Variants in STOX1 observed in about 807,000 individuals in gnomAD.
STOX1 encodes the protein storkhead box 1, also known as storkhead-box protein 1.
Under a neutral mutation model 74.8 loss-of-function variants are expected in STOX1, and 57 were observed. That is an observed-to-expected ratio of 0.76 (90% confidence interval 0.62 to 0.95). The LOEUF (loss-of-function observed/expected upper bound fraction) is 0.95, where lower values mean the gene tolerates loss of function less well. Ranked by LOEUF, STOX1 falls within the 40% of genes least tolerant of loss-of-function variation. The probability of loss-of-function intolerance (pLI) is 0.00; values close to 1 mark genes in which losing one functional copy is unlikely to be tolerated. For synonymous variants in STOX1, 375 were observed against 401.3 expected (o/e 0.93, Z 0.78); for missense variants, 1,010 against 1,117.0 (o/e 0.90, Z 1.37).
chr10:68,879,879 A>T (rs1475656902), intron 1 of STOX1, among the ~76,000 whole-genome samples: 4 of 152,168 alleles, frequency 2.6e-5, no homozygotes, highest in Non-Finnish European at 5.9e-5. Context: ...CCGCAAAATT[A>T]TCTGGCTAGG....
chr10:68,878,206 GT>G (rs1413964609), intron 1 of STOX1, among the ~76,000 whole-genome samples: 2 of 152,082 alleles, frequency 1.3e-5, no homozygotes, highest in African/African-American at 4.8e-5. Context: ...AGCACATACA[GT>G]TATATCAAAG....
Position 68,892,957 on chromosome 10 carries a change from A to G in STOX1, c.*221A>G. The G allele has an allele frequency of 4.3e-6, 2 of 464,154 alleles. No homozygotes were observed. The allele number at this position is 464,154 out of a possible 1,614,324, so 28.8% of individuals were successfully genotyped here. ...TTTACTGTGAGTTTATTGGGAGTAT[A>G]TAGATTATTTTCGATTAAAAAGTGG... On this transcript the variant is annotated 3_prime_UTR_variant, in exon 4 of 4. Coordinates refer to ENST00000298596, the MANE Select transcript of STOX1 (RefSeq NM_152709.5).
At chr10:68,840,759 G>A (rs933633857) in intron 1 of STOX1, among the ~76,000 whole-genome samples, 20 of 151,718 alleles carry the variant, frequency 1.3e-4, no homozygotes, top group African/African-American at 4.8e-4. Context: ...ATAGGGTTTT[G>A]CCATGTTGCC....
chr10:68,861,256 G>A (rs1198657637), intron 1 of STOX1, among the ~76,000 whole-genome samples: 1 of 152,120 alleles, frequency 6.6e-6, no homozygotes, highest in Non-Finnish European at 1.5e-5. Flanking sequence ...GTAAGCCCAT[G>A]ATAAACATCG....
chr10:68,844,389 C>A lies in STOX1; in HGVS notation c.310+16456C>A, dbSNP rs945226514. Reference sequence around the variant, plus strand: ...TCTTGGCTCACTGCAACCTCTGTCTCCTGGGTTCAAGTGATCCTCCTGGCT... The same window carrying A: ...TCTTGGCTCACTGCAACCTCTGTCTACTGGGTTCAAGTGATCCTCCTGGCT... On this transcript the variant is annotated intron_variant, in intron 1 of 3. Transcript: ENST00000298596. Among the ~76,000 whole-genome samples, 2 of 145,688 alleles carry A rather than the reference C, an allele frequency of 1.4e-5. 1 individual carries two copies. Among genetic ancestry groups the A allele is most frequent in the Admixed American group, 1.4e-4 (2 of 13,906 alleles).
intron 1 of STOX1, among the ~76,000 whole-genome samples, chr10:68,857,682 G>A (rs990940620): frequency 1.3e-5 from 2 of 152,112 alleles, no homozygotes; most frequent in African/African-American, 4.8e-5. Context: ...GGTCACATTA[G>A]AAGCAGGATG....
In STOX1 at chr10:68,884,629, G is replaced by T; in HGVS notation, c.833G>T (p.Trp278Leu). The change falls in exon 3 of 4, where the codon TGG becomes TTG. Residue 278 changes from tryptophan (W) to leucine (L), a missense_variant. Transcript: ENST00000298596. ...SHRGLGESVSWVQNGAVSVSA... is the reference protein window; with the variant it reads ...SHRGLGESVSLVQNGAVSVSA... ...AGAGGTCTTGGGGAATCCGTATCTT[G>T]GGTACAGAATGGGGCAGTTTCAGTG... 6.2e-7 allele frequency: 1 copy of T among 1,614,030 alleles called. No individual in the cohort carries two copies. The highest frequency in any genetic ancestry group is 8.5e-7 in the Non-Finnish European group (1 of 1,180,042).
rs75827490 is a variant in STOX1, at chr10:68,886,637, G to A, written c.2822+19G>A. The A allele has an allele frequency of 0.069, 110,763 of 1,611,698 alleles. 4,218 individuals are homozygous for A. Among genetic ancestry groups the A allele is most frequent in the Middle Eastern group, 0.11 (657 of 6,056 alleles). On this transcript the variant is annotated intron_variant, in intron 3 of 3. Coordinates refer to ENST00000298596, the MANE Select transcript of STOX1 (RefSeq NM_152709.5). ...CTCCACGGTAGGTCCATACAAAAGT[G>A]TCTGATTTAGGCCGGGCGCAGTGGC...
intron 1 of STOX1, among the ~76,000 whole-genome samples, chr10:68,851,145 A>C (rs957838862): frequency 6.6e-6 from 1 of 151,358 alleles, no homozygotes; most frequent in Non-Finnish European, 1.5e-5. Flanking sequence ...CTATCTCCAC[A>C]AACAATAAAT....
downstream of STOX1, among the ~76,000 whole-genome samples, chr10:68,894,266 G>A (rs1434286313): frequency 6.6e-6 from 1 of 151,804 alleles, no homozygotes; most frequent in Non-Finnish European, 1.5e-5. Flanking sequence ...TCACTATGTT[G>A]GCCAGGCTAG....
intron 1 of STOX1, among the ~76,000 whole-genome samples, chr10:68,854,118 C>G (rs112770975): frequency 5.9e-5 from 9 of 152,128 alleles, no homozygotes; most frequent in African/African-American, 2.2e-4. Context: ...GTCTCATCCT[C>G]CCAAGTAGCT....
intron 1 of STOX1, among the ~76,000 whole-genome samples, chr10:68,856,749 C>G (rs943022656): frequency 3.3e-5 from 5 of 152,122 alleles, no homozygotes; most frequent in African/African-American, 1.2e-4. Context: ...AACCCTCTCC[C>G]TCTCACTGCA....
At chr10:68,877,342 G>A (rs1336010789) in intron 1 of STOX1, among the ~76,000 whole-genome samples, 1 of 152,134 alleles carries the variant, frequency 6.6e-6, no homozygotes, top group Non-Finnish European at 1.5e-5. Context: ...CAGTGTTAGG[G>A]TTGTTTTAAA....
chr10:68,854,315 A>G (rs1259268374), intron 1 of STOX1, among the ~76,000 whole-genome samples: 1 of 151,382 alleles, frequency 6.6e-6, no homozygotes, highest in Non-Finnish European at 1.5e-5. Context: ...CTTTTGAGAC[A>G]AGGTCTCTTT....
At position 68,833,826 on chromosome 10, in the gene STOX1, C is replaced by G. The variant is rs141414111; in HGVS notation, c.310+5893C>G. On this transcript the variant is annotated intron_variant, in intron 1 of 3. Transcript: ENST00000298596. ...AAACAATATGAGAGGGTCTGTCTCTCTTCTCTTACTGGCGTGAGCCATTGC... is the reference window on the plus strand; with the variant it reads ...AAACAATATGAGAGGGTCTGTCTCTGTTCTCTTACTGGCGTGAGCCATTGC... Among the ~76,000 whole-genome samples, 694 of 152,308 alleles carry G rather than the reference C, an allele frequency of 4.6e-3. 1 individual carries two copies. Among genetic ancestry groups the G allele is most frequent in the Non-Finnish European group, 7.0e-3 (476 of 68,024 alleles).
chr10:68,891,585 C>T (rs1177571307), intron 3 of STOX1, among the ~76,000 whole-genome samples: 2 of 151,974 alleles, frequency 1.3e-5, no homozygotes, highest in South Asian at 2.1e-4. Context: ...GGGTGGATCA[C>T]GAGGTCAGCA....
At chr10:68,846,127 TATTATTATTA>T (rs1564572563) in intron 1 of STOX1, among the ~76,000 whole-genome samples, 2 of 95,614 alleles carry the variant, frequency 2.1e-5, no homozygotes, top group East Asian at 2.8e-4. Flanking sequence ...TTTTTATTAT[TATTATTATTA>T]TTATTATTAT....
intron 1 of STOX1, among the ~76,000 whole-genome samples, chr10:68,833,970 C>T (rs1839477932): frequency 6.6e-6 from 1 of 152,158 alleles, no homozygotes; most frequent in Non-Finnish European, 1.5e-5. Flanking sequence ...AGTGGGAGGC[C>T]ATGTTCTGGA....
rs185378161 is a variant in STOX1, at chr10:68,865,509, C to T, written c.311-16449C>T. On this transcript the variant is annotated intron_variant, in intron 1 of 3. Transcript: ENST00000298596. The stretch of plus-strand genomic sequence containing the variant: ...CTAAAAATACAAAAAATTAGCCAGG[C>T]GTGGCAGTGGGCACCTGTAGTCCCA... 3.3e-5 allele frequency among the ~76,000 whole-genome samples: 5 copies of T among 152,214 alleles called. No homozygotes were observed. In the East Asian group the frequency reaches 5.8e-4, roughly 18 times the overall value.
Sources: gnomAD v4.1 joint callset for allele counts (sites outside exome capture counted in the v4.1 genomes callset) on GRCh38, gnomAD v4.1.1 for gene constraint, MANE v1.5 for transcripts, NCBI Gene and HGNC (gene_info 2026-07-23, HGNC 2026-07-21) for gene names.